Variants in ULK2 observed in about 807,000 individuals in gnomAD.
The protein encoded by ULK2 is unc-51 like autophagy activating kinase 2.
ULK2 carries 76 observed loss-of-function variants against 127.5 expected under a neutral mutation model. The ratio of observed to expected loss-of-function variants is 0.60; its 90% confidence interval spans 0.50 to 0.72. The LOEUF (loss-of-function observed/expected upper bound fraction) is 0.72. ULK2 is among the 30% of genes least tolerant of loss of function. ULK2 has a pLI of 0.00. For synonymous variants in ULK2, 452 were observed against 461.9 expected (o/e 0.98, Z 0.28); for missense variants, 1,144 against 1,295.9 (o/e 0.88, Z 1.80).
intron 3 of ULK2, among the ~76,000 whole-genome samples, chr17:19,863,473 C>A (rs1472840987): frequency 2.0e-5 from 3 of 151,178 alleles, no homozygotes; most frequent in Non-Finnish European, 2.9e-5. Flanking sequence ...CACATGGTAT[C>A]ACACTAGCTA....
chr17:19,840,956 A>G (rs2041736648), intron 9 of ULK2, among the ~76,000 whole-genome samples: 2 of 152,198 alleles, frequency 1.3e-5, no homozygotes, highest in Non-Finnish European at 2.9e-5. Flanking sequence ...GATGTGCTAC[A>G]AAGTAAAAAA....
At chr17:19,827,907 T>G (rs1461529248) in intron 10 of ULK2, among the ~76,000 whole-genome samples, 1 of 145,796 alleles carries the variant, frequency 6.9e-6, no homozygotes. Flanking sequence ...CGAAACTCTG[T>G]CTCAAAAAAA....
chr17:19,788,501 A>G (rs778040153), intron 20 of ULK2, among the ~76,000 whole-genome samples: 3 of 151,972 alleles, frequency 2.0e-5, no homozygotes, highest in African/African-American at 7.2e-5. Context: ...AAAAAGACCC[A>G]GTCCTGGCAG....
chr17:19,840,183 C>T, intron 9 of ULK2: 1 of 485,862 alleles, frequency 2.1e-6, no homozygotes, highest in Admixed American at 2.2e-5. Flanking sequence ...GACCCTCAAC[C>T]CAGCCGAATA....
At chr17:19,823,307 C>A (rs1481075420) in intron 12 of ULK2, among the ~76,000 whole-genome samples, 1 of 151,972 alleles carries the variant, frequency 6.6e-6, no homozygotes, top group Non-Finnish European at 1.5e-5. Flanking sequence ...CCAGTTAGTT[C>A]TACATTCAGC....
chr17:19,806,741 T>G (rs1342261795), intron 14 of ULK2, among the ~76,000 whole-genome samples: 2 of 152,238 alleles, frequency 1.3e-5, no homozygotes, highest in Non-Finnish European at 2.9e-5. Context: ...GTGTATGTCC[T>G]GAGTCTCCAG....
chr17:19,833,333 T>C (rs2041510765), intron 10 of ULK2, among the ~76,000 whole-genome samples: 1 of 150,586 alleles, frequency 6.6e-6, no homozygotes, highest in African/African-American at 2.4e-5. Flanking sequence ...AATGTTGAAC[T>C]TAACAAAGAC....
At chr17:19,793,103 C>T (rs1052211154) in intron 20 of ULK2, among the ~76,000 whole-genome samples, 1 of 152,078 alleles carries the variant, frequency 6.6e-6, no homozygotes, top group Non-Finnish European at 1.5e-5. Flanking sequence ...AGGAAACTTA[C>T]GATTACAGTG....
intron 11 of ULK2, 32 bp downstream of exon 11, chr17:19,826,103 ATTCT>A (rs2041289611): frequency 7.7e-7 from 1 of 1,302,256 alleles, no homozygotes; most frequent in Admixed American, 2.4e-5. Flanking sequence ...GCTTGCATTC[ATTCT>A]TTAAGTGAAA....
intron 9 of ULK2, chr17:19,840,314 T>G (rs2041713142): frequency 4.9e-5 from 26 of 525,264 alleles, no homozygotes; most frequent in South Asian, 3.7e-4. Context: ...TCGAAGATCC[T>G]GCCTTGATTC....
At chr17:19,808,492 C>T (rs2087560681) in intron 14 of ULK2, among the ~76,000 whole-genome samples, 1 of 152,030 alleles carries the variant, frequency 6.6e-6, no homozygotes, top group South Asian at 2.1e-4. Context: ...CAAAAGACAA[C>T]CAAGAGAATG....
intron 3 of ULK2, among the ~76,000 whole-genome samples, chr17:19,862,224 G>C (rs1466976016): frequency 1.3e-5 from 2 of 151,492 alleles, no homozygotes; most frequent in Non-Finnish European, 2.9e-5. Flanking sequence ...AGCCTCCTGA[G>C]TAACTGGGAT....
rs1396261586 is a variant in ULK2 at position 19,773,904 on chromosome 17, ACAACTGTTGCT to A, written c.*2434_*2444del. The A allele has an allele frequency of 1.3e-5, 2 of 152,270 alleles. No individual in the cohort carries two copies. The highest frequency in any genetic ancestry group is 2.9e-5 in the Non-Finnish European group (2 of 68,080). 9.4% of individuals were successfully genotyped at this position (152,270 alleles called of 1,614,324 possible). A position where few individuals can be genotyped will look rare whatever the true frequency, so the allele number is the denominator to read the frequency against. On this transcript the variant is annotated 3_prime_UTR_variant, in exon 27 of 27. Coordinates refer to ENST00000395544, the MANE Select transcript of ULK2 (RefSeq NM_014683.4). ...CTATTCACCACTCCAGCGAGGGAGA[ACAACTGTTGCT>A]CTAGTTACTTCTCTCAATGGAAGGA...
chr17:19,820,201 A>C (rs529794558), intron 12 of ULK2, among the ~76,000 whole-genome samples: 1 of 152,098 alleles, frequency 6.6e-6, no homozygotes, highest in East Asian at 1.9e-4. Flanking sequence ...GGCGCGCCCC[A>C]CCACGCCCAG....
At chr17:19,820,729 T>C (rs1463668391) in intron 12 of ULK2, among the ~76,000 whole-genome samples, 1 of 152,208 alleles carries the variant, frequency 6.6e-6, no homozygotes, top group Non-Finnish European at 1.5e-5. Context: ...CTGCTTACAA[T>C]ATCATTCTTT....
chr17:19,790,635 G>C (rs1212199885), intron 20 of ULK2, among the ~76,000 whole-genome samples: 1 of 152,022 alleles, frequency 6.6e-6, no homozygotes, highest in Non-Finnish European at 1.5e-5. Context: ...AAAATGGCAG[G>C]ATTAAGTCCT....
chr17:19,855,135 T>C (rs993568432), intron 3 of ULK2, among the ~76,000 whole-genome samples: 1 of 145,886 alleles, frequency 6.9e-6, no homozygotes, highest in Non-Finnish European at 1.5e-5. Flanking sequence ...CCAGGCGTGG[T>C]GGCTCACGCC....
chr17:19,854,796 A>C (rs1415482894), intron 3 of ULK2, among the ~76,000 whole-genome samples: 1 of 151,998 alleles, frequency 6.6e-6, no homozygotes, highest in Non-Finnish European at 1.5e-5. Flanking sequence ...ACCATGTAGG[A>C]ACTTCCATAT....
At position 19,820,052 on chromosome 17, in the gene ULK2, T is replaced by C. The variant is rs545429153; in HGVS notation, c.925-3132A>G. Among the ~76,000 whole-genome samples, 97 of 140,488 alleles carry C rather than the reference T, an allele frequency of 6.9e-4. 1 individual carries two copies. The highest frequency in any genetic ancestry group is 2.7e-3 in the African/African-American group (96 of 36,148). 92.2% of individuals were successfully genotyped at this position (140,488 alleles called of 152,430 possible). On this transcript the variant is annotated intron_variant, in intron 12 of 26. Coordinates refer to ENST00000395544, the MANE Select transcript of ULK2 (RefSeq NM_014683.4). ...TCCAATGGCTCACTGCAACTTTATTTATTTTTTTTTTTTTTGAGATGGAGT... is the reference window on the plus strand; with the variant it reads ...TCCAATGGCTCACTGCAACTTTATTCATTTTTTTTTTTTTTGAGATGGAGT...
Sources: gnomAD v4.1 joint callset for allele counts (sites outside exome capture counted in the v4.1 genomes callset) on GRCh38, gnomAD v4.1.1 for gene constraint, MANE v1.5 for transcripts, NCBI Gene and HGNC (gene_info 2026-07-23, HGNC 2026-07-21) for gene names.